PRKN: variants seen among roughly 807,000 people sequenced by gnomAD.
PRKN encodes parkin RBR E3 ubiquitin protein ligase.
Under a neutral mutation model 59.5 loss-of-function variants are expected in PRKN, and 56 were observed. The observed-to-expected ratio is 0.94, with a 90% CI of 0.76 to 1.18. The LOEUF (loss-of-function observed/expected upper bound fraction) is 1.18. Ranked by LOEUF, PRKN falls within the 50% of genes most tolerant of loss-of-function variation. The pLI is 0.00. For synonymous variants in PRKN, 250 were observed against 222.1 expected (o/e 1.13, Z -1.12); for missense variants, 657 against 596.4 (o/e 1.10, Z -1.06).
rs1383022496 is a variant in PRKN, at chr6:161,490,384, TCC to T, written c.1083+58468_1083+58469del. On this transcript the variant is annotated intron_variant, in intron 9 of 11. Coordinates refer to ENST00000366898, the MANE Select transcript of PRKN (RefSeq NM_004562.3). ...CCCTCTCTCTCTCTCTTTCTTTCTTTCCTTTTTTTTTTTTTTTTGAGACAGAG... is the reference window on the plus strand; with the variant it reads ...CCCTCTCTCTCTCTCTTTCTTTCTTTTTTTTTTTTTTTTTTTGAGACAGAG... Among the ~76,000 whole-genome samples, 471 of 88,170 alleles carry T rather than the reference TCC, an allele frequency of 5.3e-3. 3 individuals are homozygous for T. The highest frequency in any genetic ancestry group is 9.1e-3 in the Non-Finnish European group (381 of 41,948). The allele number at this position is 88,170 out of a possible 152,430, so 57.8% of individuals were successfully genotyped here. A position where few individuals can be genotyped will look rare whatever the true frequency, so the allele number is the denominator to read the frequency against.
intron 6 of PRKN, among the ~76,000 whole-genome samples, chr6:161,953,249 C>T (rs1337226053): frequency 1.3e-5 from 2 of 151,964 alleles, no homozygotes; most frequent in Non-Finnish European, 2.9e-5. Context: ...GTAGCTAGGA[C>T]CACAGGTGTG....
At chr6:162,054,764 C>G (rs1043377661) in intron 4 of PRKN, among the ~76,000 whole-genome samples, 2 of 152,202 alleles carry the variant, frequency 1.3e-5, no homozygotes, top group Non-Finnish European at 2.9e-5. Flanking sequence ...TAGAGAAGAT[C>G]ATTTAAAATG....
rs368284932 is a variant in PRKN, at chr6:161,795,619, T to C, written c.735-9711A>G. Among the ~76,000 whole-genome samples, 191 of 152,224 alleles carry C rather than the reference T, an allele frequency of 1.3e-3. 6 individuals are homozygous for C. In the South Asian group the frequency reaches 0.039, roughly 31 times the overall value. ...ACATATACTAATTGGAAGGCTACTA[T>C]GCACCGGTCCCTGCACTAGACCTGA... is the stretch of plus-strand genomic sequence containing the variant. On this transcript the variant is annotated intron_variant, in intron 6 of 11. Coordinates refer to ENST00000366898, the MANE Select transcript of PRKN (RefSeq NM_004562.3).
intron 7 of PRKN, among the ~76,000 whole-genome samples, chr6:161,749,753 G>C (rs761234933): frequency 1.3e-5 from 2 of 152,036 alleles, no homozygotes; most frequent in Non-Finnish European, 2.9e-5. Flanking sequence ...GGCACATCAG[G>C]ACTCCCCTGG....
At chr6:162,719,987 G>A (rs1210804256) in intron 1 of PRKN, among the ~76,000 whole-genome samples, 2 of 151,436 alleles carry the variant, frequency 1.3e-5, no homozygotes, top group African/African-American at 2.4e-5. Context: ...TTATTAATAC[G>A]AGCAAGTTTC....
chr6:162,504,333 A>G (rs1205862811), intron 1 of PRKN, among the ~76,000 whole-genome samples: 4 of 152,216 alleles, frequency 2.6e-5, no homozygotes, highest in African/African-American at 9.6e-5. Context: ...ATGACCCTGG[A>G]AGACACACTT....
At chr6:162,517,594 A>G (rs1490379029) in intron 1 of PRKN, among the ~76,000 whole-genome samples, 1 of 151,990 alleles carries the variant, frequency 6.6e-6, no homozygotes, top group Non-Finnish European at 1.5e-5. Flanking sequence ...AAATTATTCC[A>G]TCGAGCAGCA....
rs976204800 is a variant in PRKN, at chr6:162,151,111, T to C, written c.534+50020A>G. On this transcript the variant is annotated intron_variant, in intron 4 of 11. Coordinates refer to ENST00000366898, the MANE Select transcript of PRKN (RefSeq NM_004562.3). ...GAAGAAAATCAGAGGCCGTCCACAATACTGAAGAATGTAAGAACTGAAGAT... is the reference window on the plus strand; with the variant it reads ...GAAGAAAATCAGAGGCCGTCCACAACACTGAAGAATGTAAGAACTGAAGAT... Among the ~76,000 whole-genome samples, 65 of 152,142 alleles carry C rather than the reference T, an allele frequency of 4.3e-4. 1 individual carries two copies. Among genetic ancestry groups the C allele is most frequent in the African/African-American group, 1.4e-3 (58 of 41,448 alleles).
chr6:161,796,921 C>A (rs1221288201), intron 6 of PRKN, among the ~76,000 whole-genome samples: 2 of 152,168 alleles, frequency 1.3e-5, no homozygotes, highest in Non-Finnish European at 2.9e-5. Context: ...ATGCCCAGAT[C>A]CACTGCAAAA....
chr6:161,746,747 GCA>G (rs1491424630), intron 7 of PRKN, among the ~76,000 whole-genome samples: 3 of 142,672 alleles, frequency 2.1e-5, no homozygotes, highest in Non-Finnish European at 4.5e-5. Context: ...TTCTAGATAT[GCA>G]CATATATATC....
intron 6 of PRKN, among the ~76,000 whole-genome samples, chr6:161,901,927 G>T (rs1777931813): frequency 6.6e-6 from 1 of 152,126 alleles, no homozygotes; most frequent in African/African-American, 2.4e-5. Context: ...TGGAGAGAGT[G>T]GGATGCCGAG....
chr6:161,974,815 T>C (rs900255304), intron 5 of PRKN, among the ~76,000 whole-genome samples: 1 of 152,250 alleles, frequency 6.6e-6, no homozygotes, highest in Non-Finnish European at 1.5e-5. Flanking sequence ...CAAACTTTGA[T>C]GTAAAGTGCC....
intron 1 of PRKN, among the ~76,000 whole-genome samples, chr6:162,539,712 C>G (rs566624604): frequency 6.6e-6 from 1 of 152,172 alleles, no homozygotes; most frequent in East Asian, 1.9e-4. Flanking sequence ...CTATTCACAT[C>G]TACGTAGAGA....
intron 1 of PRKN, among the ~76,000 whole-genome samples, chr6:162,648,064 A>T (rs988933269): frequency 1.3e-5 from 2 of 151,702 alleles, no homozygotes; most frequent in African/African-American, 4.8e-5. Context: ...CAGAAAGGTC[A>T]CAATTTATTA....
At chr6:162,274,434 T>A (rs1428504293) in intron 2 of PRKN, among the ~76,000 whole-genome samples, 4 of 152,116 alleles carry the variant, frequency 2.6e-5, no homozygotes, top group Non-Finnish European at 5.9e-5. Flanking sequence ...GTGATCTGCC[T>A]GCCTCAGCCT....
At chr6:161,567,202 C>T (rs1780686433) in intron 8 of PRKN, among the ~76,000 whole-genome samples, 1 of 151,950 alleles carries the variant, frequency 6.6e-6, no homozygotes, top group Admixed American at 6.6e-5. Flanking sequence ...CCATGCCTGG[C>T]TAATATTTTG....
chr6:161,979,110 T>A (rs1781164342), intron 5 of PRKN, among the ~76,000 whole-genome samples: 1 of 152,146 alleles, frequency 6.6e-6, no homozygotes, highest in Non-Finnish European at 1.5e-5. Context: ...CTGGGAAACC[T>A]TAATTAGCGA....
intron 7 of PRKN, among the ~76,000 whole-genome samples, chr6:161,602,721 C>A (rs574215281): frequency 5.2e-4 from 79 of 152,298 alleles, no homozygotes; most frequent in African/African-American, 1.9e-3. Flanking sequence ...TACTTCATTT[C>A]AACATTTAGA....
intron 7 of PRKN, among the ~76,000 whole-genome samples, chr6:161,769,122 AAGTATTAATGT>A (rs1480871940): frequency 6.6e-6 from 1 of 152,244 alleles, no homozygotes; most frequent in Non-Finnish European, 1.5e-5. Flanking sequence ...TCCTATATCA[AAGTATTAATGT>A]AGAAAATGTC....
Sources: allele counts gnomAD v4.1 joint callset (sites outside exome capture counted in the v4.1 genomes callset), GRCh38; gene constraint gnomAD v4.1.1; transcripts MANE v1.5; gene names NCBI Gene and HGNC (gene_info 2026-07-23, HGNC 2026-07-21).